Variants in TET3 observed in about 807,000 individuals in gnomAD.
The protein encoded by TET3 is methylcytosine dioxygenase TET3.
A neutral mutation model predicts 141.4 loss-of-function variants in TET3; 19 were observed. That is an observed-to-expected ratio of 0.13 (90% CI 0.09 to 0.20). The LOEUF is 0.20. Among genes scored for constraint, TET3 ranks in the 10% least tolerant of loss-of-function variants. The pLI is 1.00. For synonymous variants in TET3, 1,043 were observed against 980.9 expected (o/e 1.06, Z -1.18); for missense variants, 1,874 against 2,356.9 (o/e 0.80, Z 4.24).
At chr2:74,085,028 T>C (rs1247281185) in intron 6 of TET3, among the ~76,000 whole-genome samples, 1 of 151,944 alleles carries the variant, frequency 6.6e-6, no homozygotes, top group Non-Finnish European at 1.5e-5. Flanking sequence ...TTGTGCAAGA[T>C]GAAAAAATTT....
In TET3 at chr2:74,101,448, G is replaced by T; in HGVS notation, c.4660G>T (p.Asp1554Tyr). 1 of 1,613,882 alleles carries T rather than the reference G, an allele frequency of 6.2e-7. No individual in the cohort carries two copies. The highest frequency in any genetic ancestry group is 8.5e-7 in the Non-Finnish European group (1 of 1,179,886). Residue 1554 changes from aspartate to tyrosine, a missense_variant, in exon 12 of 12, where the codon GAC (aspartate) becomes TAC (tyrosine). By Grantham distance (160) the Asp-to-Tyr change is radical (BLOSUM62 -3). This residue lies in a region of TET3 where 602 missense variants were observed against 590.2 expected (regional missense o/e 1.02). Transcript: ENST00000409262. This position sits in a 1 kb window ranked among gnomAD's most constrained non-coding sequence, Gnocchi z 8.5. ...SALKGSPGFQ[D>Y]KLWNPMKGEE... ...CCTGAAAGGTAGTCCTGGGTTCCAA[G>T]ACAAGCTGTGGAACCCCATGAAAGG...
At chr2:74,097,457 A>C (rs528834214) in intron 10 of TET3, among the ~76,000 whole-genome samples, 2 of 152,320 alleles carry the variant, frequency 1.3e-5, no homozygotes, top group East Asian at 3.9e-4. Context: ...TGGGCCAAGG[A>C]TTGATTTTAA....
intron 4 of TET3, among the ~76,000 whole-genome samples, chr2:74,068,743 T>C (rs1312231869): frequency 2.0e-5 from 3 of 152,232 alleles, no homozygotes; most frequent in African/African-American, 7.2e-5. Context: ...CAATGACTTA[T>C]CAGACTTTTT....
At chr2:74,005,973 A>G (rs765893451) in intron 3 of TET3, among the ~76,000 whole-genome samples, 1 of 152,020 alleles carries the variant, frequency 6.6e-6, no homozygotes, top group Non-Finnish European at 1.5e-5. Context: ...AGGCTCCCAC[A>G]CGGCTCCCAC....
At chr2:74,066,799 T>A (rs1688930952) in intron 4 of TET3, among the ~76,000 whole-genome samples, 1 of 152,212 alleles carries the variant, frequency 6.6e-6, no homozygotes, top group African/African-American at 2.4e-5. Context: ...AGATTTAGTT[T>A]GTGCCTTCTC....
chr2:74,117,142 T>C, the TET3 span, among the ~76,000 whole-genome samples: 1 of 152,168 alleles, frequency 6.6e-6, no homozygotes, highest in Non-Finnish European at 1.5e-5. Context: ...AATCAGGATT[T>C]GTTTTTGAAT....
At chr2:74,082,567 AC>A (rs1689892350) in intron 6 of TET3, among the ~76,000 whole-genome samples, 1 of 132,310 alleles carries the variant, frequency 7.6e-6, no homozygotes, top group Non-Finnish European at 1.5e-5. Context: ...GAGAGGAAAT[AC>A]TTTTTTTTAT....
chr2:74,019,474 G>T (rs1214512579), intron 3 of TET3, among the ~76,000 whole-genome samples: 1 of 152,114 alleles, frequency 6.6e-6, no homozygotes, highest in Non-Finnish European at 1.5e-5. Context: ...TCTCCCTCAA[G>T]TCCTCATGGT....
chr2:74,052,255 C>G (rs61190810), intron 4 of TET3, among the ~76,000 whole-genome samples: 1 of 152,138 alleles, frequency 6.6e-6, no homozygotes, highest in Non-Finnish European at 1.5e-5. Context: ...GCTAGGATTA[C>G]AGGTATAAGC....
At chr2:74,049,078 A>T (rs1347663737) in intron 4 of TET3, among the ~76,000 whole-genome samples, 1 of 152,210 alleles carries the variant, frequency 6.6e-6, no homozygotes, top group African/African-American at 2.4e-5. Context: ...AGGTGTTGTC[A>T]TGAGCCAGGC....
At chr2:74,084,159 T>C (rs1009806314) in intron 6 of TET3, among the ~76,000 whole-genome samples, 2 of 152,248 alleles carry the variant, frequency 1.3e-5, no homozygotes, top group African/African-American at 4.8e-5. Context: ...CAGGAATTCA[T>C]GGCCAGAGAT....
chr2:74,109,766 T>G (rs1013719470), downstream of TET3, among the ~76,000 whole-genome samples: 1 of 152,178 alleles, frequency 6.6e-6, no homozygotes, highest in African/African-American at 2.4e-5. Flanking sequence ...CATATTGGGA[T>G]CTCTAGAAAT....
intron 5 of TET3, among the ~76,000 whole-genome samples, chr2:74,079,869 G>A (rs1247910832): frequency 6.6e-6 from 1 of 152,168 alleles, no homozygotes; most frequent in East Asian, 1.9e-4. Flanking sequence ...AATATAGTGT[G>A]GTTGATTAGA....
intron 5 of TET3, among the ~76,000 whole-genome samples, chr2:74,077,911 A>G (rs1689602821): frequency 6.6e-6 from 1 of 152,244 alleles, no homozygotes; most frequent in Admixed American, 6.5e-5. Flanking sequence ...TTCCTGATAA[A>G]TGCTTGTTGA....
At position 74,046,368 on chromosome 2, in the gene TET3, G is replaced by A. The variant is rs757324110; in HGVS notation, c.451G>A (p.Ala151Thr). The change falls in exon 4 of 12, where the codon GCC becomes ACC. Residue 151 changes from alanine (A) to threonine (T), a missense_variant. By Grantham distance (58) the Ala-to-Thr change is moderately conservative (BLOSUM62 0). This residue lies in a region of TET3 where 366 missense variants were observed against 487.0 expected (regional missense o/e 0.75). Transcript: ENST00000409262. This position sits in a 1 kb window ranked among gnomAD's most constrained non-coding sequence, Gnocchi z 4.3. ...CCATGGGGACTCACGGCAGCTAAGCGCCTCAGGGGTGCCGGTCAATGGTGC... is the reference window on the plus strand; with the variant it reads ...CCATGGGGACTCACGGCAGCTAAGCACCTCAGGGGTGCCGGTCAATGGTGC... ...VYHGDSRQLS[A>T]SGVPVNGARE... 9.8e-6 allele frequency: 15 copies of A among 1,530,982 alleles called. No homozygotes were observed. Among genetic ancestry groups the A allele is most frequent in the African/African-American group, 2.8e-5 (2 of 72,028 alleles). The allele number at this position is 1,530,982 out of a possible 1,614,324, so 94.8% of individuals were successfully genotyped here.
At chr2:74,002,087 A>G (rs1684876607) in intron 2 of TET3, among the ~76,000 whole-genome samples, 1 of 151,500 alleles carries the variant, frequency 6.6e-6, no homozygotes. Flanking sequence ...AGGAGCAGAG[A>G]GCTTGCATAG....
chr2:74,009,092 A>C (rs1685296028), intron 3 of TET3, among the ~76,000 whole-genome samples: 1 of 152,128 alleles, frequency 6.6e-6, no homozygotes, highest in African/African-American at 2.4e-5. Context: ...TCTCTCTCAA[A>C]ATCCTTGTCC....
intron 4 of TET3, among the ~76,000 whole-genome samples, chr2:74,066,486 A>G (rs891901762): frequency 1.3e-5 from 2 of 152,210 alleles, no homozygotes; most frequent in Admixed American, 6.5e-5. Context: ...TTAAATTTGT[A>G]CATGTATACT....
Position 74,048,402 on chromosome 2 carries a change from G to C in TET3, c.2485G>C (p.Asp829His), listed in dbSNP as rs759711243. Residue 829 changes from aspartate (D) to histidine (H), a missense_variant, in exon 4 of 12, where the codon GAT becomes CAT. Transcript: ENST00000409262. ...AGCCCAGGCCGAGTTCCCCACCTGCGATTGCGTCGGTAAGTCCGCCTGGGT... is the reference window on the plus strand; with the variant it reads ...AGCCCAGGCCGAGTTCCCCACCTGCCATTGCGTCGGTAAGTCCGCCTGGGT... ...KRAQAEFPTCDCVEQIVEKDE... is the reference protein window; with the variant it reads ...KRAQAEFPTCHCVEQIVEKDE... 1.9e-6 allele frequency: 3 copies of C among 1,606,882 alleles called. No homozygotes were observed. Among genetic ancestry groups the C allele is most frequent in the Non-Finnish European group, 2.6e-6 (3 of 1,175,490 alleles).
Sources: allele counts gnomAD v4.1 joint callset (sites outside exome capture counted in the v4.1 genomes callset), GRCh38; gene constraint gnomAD v4.1.1; regional missense constraint gnomAD v4.1.1; non-coding constraint Gnocchi (gnomAD v3.1); transcripts MANE v1.5; gene names NCBI Gene and HGNC (gene_info 2026-07-23, HGNC 2026-07-21).